MACROD2: variants seen among roughly 807,000 people sequenced by gnomAD.
MACROD2 encodes mono-ADP ribosylhydrolase 2, also known as ADP-ribose glycohydrolase MACROD2.
MACROD2 carries 36 observed loss-of-function variants against 70.4 expected under a neutral mutation model. The observed-to-expected ratio is 0.51, with a 90% CI of 0.39 to 0.68. MACROD2 has a LOEUF of 0.68. Among genes scored for constraint, MACROD2 ranks in the 30% least tolerant of loss-of-function variants. The probability of loss-of-function intolerance (pLI) is 0.00; values close to 1 mark genes in which losing one functional copy is unlikely to be tolerated. For missense variants in MACROD2, 496 were observed against 538.4 expected (o/e 0.92, Z 0.78); for synonymous variants, 172 against 178.8 (o/e 0.96, Z 0.30).
At chr20:15,255,303 T>C (rs1378549982) in intron 6 of MACROD2, among the ~76,000 whole-genome samples, 5 of 152,080 alleles carry the variant, frequency 3.3e-5, no homozygotes, top group African/African-American at 1.2e-4. Context: ...TAAGTTCCTG[T>C]GTTTGATTTG....
chr20:15,322,329 G>C (rs1384691129), intron 6 of MACROD2, among the ~76,000 whole-genome samples: 1 of 143,510 alleles, frequency 7.0e-6, no homozygotes, highest in Non-Finnish European at 1.6e-5. Context: ...TGGGTGGGAC[G>C]GGGATATTTA....
intron 3 of MACROD2, among the ~76,000 whole-genome samples, chr20:14,492,992 AG>A (rs1341740903): frequency 1.3e-5 from 2 of 152,126 alleles, no homozygotes; most frequent in Non-Finnish European, 2.9e-5. Context: ...TAATAGAAAA[AG>A]TAATACATTG....
chr20:15,305,227 A>G (rs773778260), intron 6 of MACROD2, among the ~76,000 whole-genome samples: 1 of 149,816 alleles, frequency 6.7e-6, no homozygotes, highest in Non-Finnish European at 1.5e-5. Context: ...AGTTCCTTTT[A>G]TTTGTTTTTT....
chr20:14,662,976 T>C (rs6042843), intron 4 of MACROD2, among the ~76,000 whole-genome samples: 7,286 of 152,172 alleles, frequency 0.048, 565 homozygotes, highest in African/African-American at 0.17. Context: ...GCAATCCCAT[T>C]ACTGGGCATA....
At chr20:15,104,856 A>G (rs1464589303) in intron 5 of MACROD2, among the ~76,000 whole-genome samples, 1 of 152,202 alleles carries the variant, frequency 6.6e-6, no homozygotes, top group Non-Finnish European at 1.5e-5. Flanking sequence ...AAATAGGCCC[A>G]TTTAAAACTG....
At chr20:15,143,182 T>C (rs1472131423) in intron 5 of MACROD2, among the ~76,000 whole-genome samples, 1 of 152,174 alleles carries the variant, frequency 6.6e-6, no homozygotes, top group Non-Finnish European at 1.5e-5. Flanking sequence ...TGTTGTTTCC[T>C]GACTTTTTAA....
chr20:14,062,147 ATTG>A (rs2053698172), intron 2 of MACROD2, among the ~76,000 whole-genome samples: 2 of 152,134 alleles, frequency 1.3e-5, no homozygotes, highest in East Asian at 1.9e-4. Flanking sequence ...CCTTTCTATT[ATTG>A]TTCACTAAAA....
intron 5 of MACROD2, among the ~76,000 whole-genome samples, chr20:14,751,469 C>A (rs1001901511): frequency 6.6e-6 from 1 of 152,128 alleles, no homozygotes; most frequent in African/African-American, 2.4e-5. Flanking sequence ...CAATTAGTGA[C>A]CGACATCCTT....
chr20:15,663,834 A>G (rs1037612153), intron 8 of MACROD2, among the ~76,000 whole-genome samples: 8 of 152,186 alleles, frequency 5.3e-5, no homozygotes, highest in Non-Finnish European at 8.8e-5. Context: ...TCTTCCCCAC[A>G]TAAGGCCCCA....
intron 5 of MACROD2, among the ~76,000 whole-genome samples, chr20:14,731,838 G>A (rs111336710): frequency 6.3e-4 from 96 of 152,096 alleles, no homozygotes; most frequent in African/African-American, 2.2e-3. Context: ...GAATCCAGTC[G>A]TCTTTTTTTA....
chr20:15,017,821 C>T (rs1568532527), intron 5 of MACROD2, among the ~76,000 whole-genome samples: 5 of 152,218 alleles, frequency 3.3e-5, no homozygotes, highest in African/African-American at 7.2e-5. Flanking sequence ...TGGCCCCTTT[C>T]AGCCATAGCT....
At chr20:14,257,981 T>A (rs748133004) in intron 3 of MACROD2, among the ~76,000 whole-genome samples, 6 of 152,162 alleles carry the variant, frequency 3.9e-5, no homozygotes, top group Non-Finnish European at 8.8e-5. Flanking sequence ...TGAGAACATA[T>A]AAGATTTGGT....
intron 2 of MACROD2, among the ~76,000 whole-genome samples, chr20:14,005,693 C>T (rs1397191134): frequency 6.6e-6 from 1 of 152,042 alleles, no homozygotes; most frequent in East Asian, 1.9e-4. Context: ...ACCTCCACCT[C>T]CTGGCTTCAA....
chr20:15,515,965 A>G (rs993624297), intron 8 of MACROD2, among the ~76,000 whole-genome samples: 1 of 152,202 alleles, frequency 6.6e-6, no homozygotes, highest in Non-Finnish European at 1.5e-5. Context: ...GAGACAGTCA[A>G]GACTTCAGAA....
At chr20:14,439,520 G>A (rs2084097147) in intron 3 of MACROD2, among the ~76,000 whole-genome samples, 1 of 152,092 alleles carries the variant, frequency 6.6e-6, no homozygotes, top group African/African-American at 2.4e-5. Flanking sequence ...GTGTGTGTAT[G>A]TATATAAGAA....
chr20:14,515,732 A>G (rs2085090164), intron 4 of MACROD2, among the ~76,000 whole-genome samples: 1 of 151,970 alleles, frequency 6.6e-6, no homozygotes, highest in South Asian at 2.1e-4. Context: ...GGAGCTGTTG[A>G]TTGAAGGATA....
At chr20:15,105,281 C>T (rs2075902371) in intron 5 of MACROD2, among the ~76,000 whole-genome samples, 1 of 152,058 alleles carries the variant, frequency 6.6e-6, no homozygotes. Flanking sequence ...ACAGCTGAAG[C>T]AATTCTAGCC....
At position 15,322,147 on chromosome 20, in the gene MACROD2, C is replaced by G. The variant is rs117493779; in HGVS notation, c.540+92086C>G. 5.9e-3 allele frequency among the ~76,000 whole-genome samples: 844 copies of G among 143,958 alleles called. 135 individuals carry two copies. Among genetic ancestry groups the G allele is most frequent in the Non-Finnish European group, 9.0e-3 (575 of 63,610 alleles). 94.4% of individuals were successfully genotyped at this position (143,958 alleles called of 152,430 possible). On this transcript the variant is annotated intron_variant, in intron 6 of 17. Transcript: ENST00000684519. ...AAATTTATTCTAATTGTTAGTGTCT[C>G]AGCTTCATTATTCCTCAAATGGTTT...
chr20:14,068,143 C>G (rs1170897069), intron 2 of MACROD2, among the ~76,000 whole-genome samples: 5 of 152,164 alleles, frequency 3.3e-5, no homozygotes, highest in Admixed American at 3.3e-4. Flanking sequence ...CTCGCCCTTC[C>G]AATTCAACAG....
Sources: gnomAD v4.1 joint callset for allele counts (sites outside exome capture counted in the v4.1 genomes callset) on GRCh38, gnomAD v4.1.1 for gene constraint, MANE v1.5 for transcripts, NCBI Gene and HGNC (gene_info 2026-07-23, HGNC 2026-07-21) for gene names.